ETFRF1: variants seen among roughly 807,000 people sequenced by gnomAD.
ETFRF1 encodes the protein electron transfer flavoprotein regulatory factor 1.
Under a neutral mutation model 9.0 loss-of-function variants are expected in ETFRF1, and 12 were observed. The ratio of observed to expected loss-of-function variants is 1.34; its 90% CI spans 0.86 to 2.16. The LOEUF is 2.16. ETFRF1 is among the 30% of genes most tolerant of loss of function. ETFRF1 has a pLI of 0.00. For synonymous variants in ETFRF1, 34 were observed against 33.2 expected (o/e 1.02, Z -0.08); for missense variants, 98 against 101.8 (o/e 0.96, Z 0.16).
intron 1 of ETFRF1, among the ~76,000 whole-genome samples, chr12:25,203,359 C>G (rs768653752): frequency 2.0e-5 from 3 of 152,198 alleles, no homozygotes; most frequent in Non-Finnish European, 4.4e-5. Context: ...CTCTTCACCA[C>G]CAATCTTACT....
chr12:25,203,205 T>C (rs1378045748), intron 1 of ETFRF1, among the ~76,000 whole-genome samples: 1 of 151,226 alleles, frequency 6.6e-6, no homozygotes, highest in Non-Finnish European at 1.5e-5. Flanking sequence ...TAACAGGTAG[T>C]GGGAATTATT....
intron 1 of ETFRF1, among the ~76,000 whole-genome samples, chr12:25,200,945 T>G (rs1280865422): frequency 6.6e-6 from 1 of 152,226 alleles, no homozygotes; most frequent in East Asian, 1.9e-4. Flanking sequence ...CTAAGATCCC[T>G]GCTGCCATTG....
intron 1 of ETFRF1, among the ~76,000 whole-genome samples, chr12:25,202,464 G>C (rs1167092516): frequency 6.6e-6 from 1 of 152,070 alleles, no homozygotes; most frequent in Non-Finnish European, 1.5e-5. Context: ...TCCTATTAGG[G>C]TGAAGGAAAT....
In ETFRF1 at chr12:25,204,225, A is replaced by C; in HGVS notation, c.186A>C (p.Val62=). 1 of 1,612,340 alleles carries C rather than the reference A, an allele frequency of 6.2e-7. No homozygotes were observed. Among genetic ancestry groups the C allele is most frequent in the East Asian group, 2.2e-5 (1 of 44,782 alleles). Reference sequence around the variant, plus strand: ...AACTTATTGCACAGGGCGAATTTGTAATGAAAGAGCTAGAAGCTTTGTACT... The same window carrying C: ...AACTTATTGCACAGGGCGAATTTGTCATGAAAGAGCTAGAAGCTTTGTACT... ...IKELIAQGEF[V]MKELEALYFL... Residue 62 remains valine, a synonymous_variant, in exon 3 of 3, where the codon GTA becomes GTC. Coordinates refer to ENST00000381356, the MANE Select transcript of ETFRF1 (RefSeq NM_001001660.3).
In ETFRF1 at chr12:25,205,099, T is replaced by A. The variant is rs11047892; in HGVS notation, c.*787T>A. On this transcript the variant is annotated 3_prime_UTR_variant, in exon 3 of 3. Coordinates refer to ENST00000381356, the MANE Select transcript of ETFRF1 (RefSeq NM_001001660.3). ...TAAGCAAACACGCCTTTACATAATA[T>A]CCACAGCACCTTTTAGAAATAAAGG... The A allele has an allele frequency of 0.1, 21,476 of 215,708 alleles. 1,542 individuals are homozygous for A. Among genetic ancestry groups the A allele is most frequent in the Non-Finnish European group, 0.14 (14,394 of 106,606 alleles). 13.4% of individuals were successfully genotyped at this position (215,708 alleles called of 1,614,324 possible). A position where few individuals can be genotyped will look rare whatever the true frequency, so the allele number is the denominator to read the frequency against.
intron 1 of ETFRF1, among the ~76,000 whole-genome samples, chr12:25,199,215 CAT>C (rs776182417): frequency 4.7e-5 from 7 of 148,878 alleles, no homozygotes; most frequent in East Asian, 3.9e-4. Context: ...ATATAGTATA[CAT>C]ATTTTTGTTT....
intron 1 of ETFRF1, among the ~76,000 whole-genome samples, chr12:25,197,178 T>G (rs1951037856): frequency 6.6e-6 from 1 of 151,660 alleles, no homozygotes; most frequent in Non-Finnish European, 1.5e-5. Context: ...ATAAACTGCA[T>G]TAATTCATAT....
intron 1 of ETFRF1, among the ~76,000 whole-genome samples, chr12:25,201,261 C>T (rs1187121004): frequency 6.6e-6 from 1 of 152,162 alleles, no homozygotes; most frequent in Non-Finnish European, 1.5e-5. Flanking sequence ...TTGTGAGGAG[C>T]CCAGTATTCA....
intron 1 of ETFRF1, among the ~76,000 whole-genome samples, chr12:25,200,035 A>C (rs1027182570): frequency 7.2e-5 from 11 of 151,994 alleles, no homozygotes; most frequent in African/African-American, 2.7e-4. Flanking sequence ...CATGGTGAAA[A>C]GCCATCTCTA....
At chr12:25,199,650 T>C (rs934115810) in intron 1 of ETFRF1, among the ~76,000 whole-genome samples, 23 of 107,128 alleles carry the variant, frequency 2.1e-4, no homozygotes, top group African/African-American at 7.9e-4. Flanking sequence ...ACACACACAA[T>C]GAAGCCATCA....
chr12:25,203,631 G>A (rs1185958001), intron 1 of ETFRF1: 1 of 221,506 alleles, frequency 4.5e-6, no homozygotes, highest in East Asian at 1.1e-4. Flanking sequence ...CATAAAAGGA[G>A]GTACACGTAC....
At chr12:25,196,655 T>G (rs1951016851) in intron 1 of ETFRF1, among the ~76,000 whole-genome samples, 2 of 152,222 alleles carry the variant, frequency 1.3e-5, no homozygotes, top group Admixed American at 1.3e-4. Context: ...ATCCAAGTTT[T>G]CAGAATAATA....
Position 25,204,352 on chromosome 12 carries a change from A to G in ETFRF1, c.*40A>G. The G allele has an allele frequency of 7.0e-7, 1 of 1,431,478 alleles. No homozygotes were observed. Among genetic ancestry groups the G allele is most frequent in the Non-Finnish European group, 9.4e-7 (1 of 1,066,508 alleles). 88.7% of individuals were successfully genotyped at this position (1,431,478 alleles called of 1,614,324 possible). A position where few individuals can be genotyped will look rare whatever the true frequency, so the allele number is the denominator to read the frequency against. The stretch of plus-strand genomic sequence containing the variant: ...ATTTAGCTATCAGTGCCAGCTGTTT[A>G]TGTATACCAGATGTTGTAAAATAAT... On this transcript the variant is annotated 3_prime_UTR_variant, in exon 3 of 3. Transcript: ENST00000381356.
chr12:25,195,605 C>G (rs7964388), intron 1 of ETFRF1: 171,326 of 171,350 alleles, frequency 1, 85,651 homozygotes, highest in Middle Eastern at 1. Flanking sequence ...GGGCTCATTC[C>G]GCAATTTAAA....
intron 1 of ETFRF1, among the ~76,000 whole-genome samples, chr12:25,202,076 A>AAAAAAAAAAAAC: frequency 7.0e-6 from 1 of 142,968 alleles, no homozygotes; most frequent in Non-Finnish European, 1.5e-5. Flanking sequence ...AAAAAAAAAA[A>AAAAAAAAAAAAC]AAAAAAATTA....
chr12:25,202,402 T>C (rs1565874639), intron 1 of ETFRF1, among the ~76,000 whole-genome samples: 1 of 151,662 alleles, frequency 6.6e-6, no homozygotes, highest in Non-Finnish European at 1.5e-5. Context: ...GGAGGGCCTC[T>C]GGGGGTAGGG....
At chr12:25,199,695 C>T (rs576342075) in intron 1 of ETFRF1, among the ~76,000 whole-genome samples, 1 of 151,194 alleles carries the variant, frequency 6.6e-6, no homozygotes, top group East Asian at 1.9e-4. Flanking sequence ...CCACTATCCA[C>T]AAAGGTTGCC....
At chr12:25,195,366 T>C (rs573967496) in intron 1 of ETFRF1, 29 bp downstream of exon 1, 1 of 587,598 alleles carries the variant, frequency 1.7e-6, no homozygotes, top group Non-Finnish European at 3.0e-6. Context: ...CGGGGAGTTT[T>C]GTTCCATTTC....
chr12:25,196,486 A>G (rs1319077745), intron 1 of ETFRF1, among the ~76,000 whole-genome samples: 1 of 152,206 alleles, frequency 6.6e-6, no homozygotes, highest in African/African-American at 2.4e-5. Flanking sequence ...CATGGGGAAC[A>G]ATGATTAACA....
Sources: gnomAD v4.1 joint callset for allele counts (sites outside exome capture counted in the v4.1 genomes callset) on GRCh38, gnomAD v4.1.1 for gene constraint, MANE v1.5 for transcripts, NCBI Gene and HGNC (gene_info 2026-07-23, HGNC 2026-07-21) for gene names.